Variants in GPHN observed in about 807,000 individuals in gnomAD.
GPHN encodes gephyrin.
Under a neutral mutation model 95.5 loss-of-function variants are expected in GPHN, and 17 were observed. That is an observed-to-expected ratio of 0.18 (90% CI 0.12 to 0.27). The LOEUF (loss-of-function observed/expected upper bound fraction) is 0.27, where lower values mean the gene tolerates loss of function less well. Among genes scored for constraint, GPHN ranks in the 10% least tolerant of loss-of-function variants. The probability of loss-of-function intolerance (pLI) is 1.00; values close to 1 mark genes in which losing one functional copy is unlikely to be tolerated. For missense variants in GPHN, 660 were observed against 978.1 expected, an observed-to-expected ratio of 0.67 and a Z score of 4.34; for synonymous variants, 320 against 322.5, an observed-to-expected ratio of 0.99 and a Z score of 0.08.
the GPHN span, among the ~76,000 whole-genome samples, chr14:67,498,078 A>G: frequency 6.6e-6 from 1 of 152,118 alleles, no homozygotes; most frequent in South Asian, 2.1e-4. Context: ...ACCGCCAAAG[A>G]GAACAATTGT....
the GPHN span, among the ~76,000 whole-genome samples, chr14:67,687,677 G>C: frequency 6.6e-6 from 1 of 151,532 alleles, no homozygotes; most frequent in East Asian, 1.9e-4. Context: ...CTCCATGTTG[G>C]TCAGGCTGGT....
intron 17 of GPHN, among the ~76,000 whole-genome samples, chr14:67,128,260 C>CTT (rs763164125): frequency 0.012 from 1,750 of 144,696 alleles, 17 homozygotes; most frequent in Middle Eastern, 0.018. Flanking sequence ...CCTATTTCTA[C>CTT]TTTTTTTTTT....
chr14:66,579,819 A>C (rs2061080229), intron 1 of GPHN, among the ~76,000 whole-genome samples: 1 of 151,808 alleles, frequency 6.6e-6, no homozygotes, highest in Non-Finnish European at 1.5e-5. Flanking sequence ...ATCAATATGG[A>C]ATTTGATTTA....
the GPHN span, among the ~76,000 whole-genome samples, chr14:67,192,869 G>T: frequency 7.1e-6 from 1 of 141,306 alleles, no homozygotes. Context: ...GATATATATA[G>T]ATATATAGAT....
chr14:67,663,275 T>TTA, the GPHN span: 1 of 950,292 alleles, frequency 1.1e-6, no homozygotes. Flanking sequence ...TTCTGATAGT[T>TTA]TATACTACAG....
chr14:67,057,305 C>G (rs1390089739), intron 10 of GPHN, among the ~76,000 whole-genome samples: 1 of 151,846 alleles, frequency 6.6e-6, no homozygotes, highest in Non-Finnish European at 1.5e-5. Flanking sequence ...AGGGAGGGAG[C>G]TGGAAGCCAT....
chr14:66,685,847 C>G (rs1226076293), intron 2 of GPHN, among the ~76,000 whole-genome samples: 1 of 152,154 alleles, frequency 6.6e-6, no homozygotes, highest in African/African-American at 2.4e-5. Context: ...ATGGTATTGC[C>G]TAGGTTTTCT....
Position 67,179,601 on chromosome 14 carries a change from T to C in GPHN, c.2103T>C (p.Asp701=), listed in dbSNP as rs1038290929. 2 of 1,605,904 alleles carry C rather than the reference T, an allele frequency of 1.2e-6. No homozygotes were observed. The highest frequency in any genetic ancestry group is 1.7e-6 in the Non-Finnish European group (2 of 1,172,568). ...AGTTATCATGTGATGTAAAACTTGA[T>C]CCTCGTCCAGAATACCATCGGTGTA... ...KARLSCDVKL[D]PRPEYHRCIL... Residue 701 remains aspartate, a synonymous_variant, in exon 22 of 23, where the codon GAT becomes GAC. Coordinates refer to ENST00000478722, the MANE Select transcript of GPHN (RefSeq NM_020806.5).
chr14:67,721,634 C>G, the GPHN span, among the ~76,000 whole-genome samples: 14,529 of 151,876 alleles, frequency 0.096, 1,095 homozygotes, highest in East Asian at 0.34. Flanking sequence ...AAGGGAGATA[C>G]GAATCAGAAC....
At chr14:66,692,942 A>G (rs1182872790) in intron 2 of GPHN, among the ~76,000 whole-genome samples, 1 of 152,106 alleles carries the variant, frequency 6.6e-6, no homozygotes, top group African/African-American at 2.4e-5. Flanking sequence ...TTGCACTTTA[A>G]AAAATTATAA....
the GPHN span, chr14:67,651,364 C>T: frequency 1.2e-6 from 2 of 1,613,304 alleles, no homozygotes; most frequent in Non-Finnish European, 1.7e-6. Flanking sequence ...TTCTGGTCCA[C>T]AAACCCTTCC....
chr14:66,795,080 AAAAT>A (rs1200218150), intron 3 of GPHN, among the ~76,000 whole-genome samples: 3 of 152,148 alleles, frequency 2.0e-5, no homozygotes, highest in African/African-American at 7.2e-5. Context: ...CTGTCTCAAA[AAAAT>A]AAATAAATAA....
intron 1 of GPHN, among the ~76,000 whole-genome samples, chr14:66,659,366 G>C (rs1266775255): frequency 1.3e-5 from 2 of 151,666 alleles, no homozygotes; most frequent in Non-Finnish European, 2.9e-5. Flanking sequence ...TACAGAACAT[G>C]GTCTATATTG....
chr14:67,549,594 A>G, the GPHN span, among the ~76,000 whole-genome samples: 38 of 152,154 alleles, frequency 2.5e-4, no homozygotes, highest in South Asian at 1.5e-3. Context: ...CTAACCCTCT[A>G]TTTTTATTAT....
chr14:67,237,497 T>A, the GPHN span, among the ~76,000 whole-genome samples: 2 of 152,084 alleles, frequency 1.3e-5, no homozygotes, highest in East Asian at 1.9e-4. Flanking sequence ...TTTTTTTTTT[T>A]AATTTTTAGA....
At chr14:66,894,365 G>A (rs1378304422) in intron 5 of GPHN, among the ~76,000 whole-genome samples, 1 of 152,130 alleles carries the variant, frequency 6.6e-6, no homozygotes, top group Non-Finnish European at 1.5e-5. Flanking sequence ...ATTAATTCAA[G>A]ATGGATTAAA....
intron 1 of GPHN, among the ~76,000 whole-genome samples, chr14:66,550,156 T>C (rs1275304047): frequency 1.3e-5 from 2 of 152,210 alleles, no homozygotes; most frequent in Admixed American, 6.5e-5. Context: ...CTACCATAGA[T>C]AGTAATTCCT....
the GPHN span, among the ~76,000 whole-genome samples, chr14:67,427,159 G>T: frequency 6.6e-6 from 1 of 152,122 alleles, no homozygotes; most frequent in Admixed American, 6.5e-5. Context: ...ATGACTATGG[G>T]GATGTGGGTG....
chr14:67,131,477 T>A (rs1484634152), intron 17 of GPHN, among the ~76,000 whole-genome samples: 1 of 152,130 alleles, frequency 6.6e-6, no homozygotes, highest in East Asian at 1.9e-4. Context: ...TATACAACAG[T>A]CCAGAAGAAT....
Sources: gnomAD v4.1 joint callset for allele counts (sites outside exome capture counted in the v4.1 genomes callset) on GRCh38, gnomAD v4.1.1 for gene constraint, MANE v1.5 for transcripts, NCBI Gene and HGNC (gene_info 2026-07-23, HGNC 2026-07-21) for gene names.